The following SPAG16 variants were observed in gnomAD, a reference collection of about 807,000 sequenced individuals.
SPAG16 encodes the protein sperm-associated antigen 16 protein.
In SPAG16, 86 loss-of-function variants were observed where a neutral mutation model predicts 80.4. The ratio of observed to expected loss-of-function variants is 1.07; its 90% CI spans 0.90 to 1.28. The LOEUF is 1.28. Among genes scored for constraint, SPAG16 ranks in the 50% most tolerant of loss-of-function variants. The probability of loss-of-function intolerance (pLI) is 0.00; values close to 1 mark genes in which losing one functional copy is unlikely to be tolerated. For missense variants in SPAG16, 870 were observed against 765.3 expected, an observed-to-expected ratio of 1.14 and a Z score of -1.61; for synonymous variants, 294 against 265.9, an observed-to-expected ratio of 1.11 and a Z score of -1.03.
At chr2:213,603,898 A>G (rs371105841) in intron 10 of SPAG16, among the ~76,000 whole-genome samples, 51 of 149,960 alleles carry the variant, frequency 3.4e-4, no homozygotes, top group Middle Eastern at 6.9e-3. Flanking sequence ...TTTCCGTATT[A>G]TCCATCTCTT....
chr2:213,440,102 T>C (rs1052202716), intron 9 of SPAG16, among the ~76,000 whole-genome samples: 10 of 149,570 alleles, frequency 6.7e-5, no homozygotes, highest in African/African-American at 2.3e-4. Context: ...CTGAAATTCC[T>C]GCAGTTTTGT....
chr2:213,744,684 G>T (rs2067733894), intron 10 of SPAG16, among the ~76,000 whole-genome samples: 1 of 152,158 alleles, frequency 6.6e-6, no homozygotes, highest in Non-Finnish European at 1.5e-5. Flanking sequence ...GGGAGAAGTG[G>T]TTAATCATTA....
At chr2:213,916,516 G>C (rs2077978377) in intron 11 of SPAG16, among the ~76,000 whole-genome samples, 1 of 152,150 alleles carries the variant, frequency 6.6e-6, no homozygotes, top group South Asian at 2.1e-4. Context: ...GGTTACTGTA[G>C]CCTTGTAGTA....
At chr2:213,620,572 A>C (rs1457403260) in intron 10 of SPAG16, among the ~76,000 whole-genome samples, 1 of 152,038 alleles carries the variant, frequency 6.6e-6, no homozygotes, top group Non-Finnish European at 1.5e-5. Context: ...GATTACAGGC[A>C]TGAGCCACTG....
chr2:213,297,257 T>C lies in SPAG16; in HGVS notation c.184-5T>C, dbSNP rs538227335. On this transcript the variant is annotated splice_polypyrimidine_tract_variant and splice_region_variant and intron_variant, in intron 2 of 15. Transcript: ENST00000331683. ...TTCCTATCCTTCTCTTTCTCTGTGATCTAGATACCAGATGACAATTTTAGC... is the reference window on the plus strand; with the variant it reads ...TTCCTATCCTTCTCTTTCTCTGTGACCTAGATACCAGATGACAATTTTAGC... 2 of 1,601,864 alleles carry C rather than the reference T, an allele frequency of 1.2e-6. No homozygotes were observed. Among genetic ancestry groups the C allele is most frequent in the Non-Finnish European group, 1.7e-6 (2 of 1,172,114 alleles).
chr2:214,128,953 C>G (rs956888706), intron 14 of SPAG16, among the ~76,000 whole-genome samples: 11 of 151,842 alleles, frequency 7.2e-5, no homozygotes, highest in Middle Eastern at 6.8e-3. Context: ...TCTAATCTAC[C>G]CAGTGACCTC....
intron 10 of SPAG16, among the ~76,000 whole-genome samples, chr2:213,644,598 G>A (rs1007563316): frequency 3.3e-5 from 5 of 152,208 alleles, no homozygotes; most frequent in Admixed American, 6.5e-5. Flanking sequence ...CAGACTTGCA[G>A]AGGCACCTCC....
Position 213,448,056 on chromosome 2 carries a change from T to G in SPAG16, c.943-41907T>G, listed in dbSNP as rs374208538. Among the ~76,000 whole-genome samples, 6 of 152,366 alleles carry G rather than the reference T, an allele frequency of 3.9e-5. No individual in the cohort carries two copies. In the East Asian group the frequency reaches 9.6e-4, roughly 24 times the overall value. ...CACCAATCTGTTCAAATGGCTTATT[T>G]TGTTAATGATTGCCAGGCCAATTCC... On this transcript the variant is annotated intron_variant, in intron 9 of 15. Transcript: ENST00000331683.
Position 214,233,344 on chromosome 2 carries a change from A to ATGATGATG in SPAG16, c.1720+84078_1720+84079insTGATGATG, listed in dbSNP as rs377652832. On this transcript the variant is annotated intron_variant, in intron 15 of 15. Coordinates refer to ENST00000331683, the MANE Select transcript of SPAG16 (RefSeq NM_024532.5). ...CTAATTCTCAGTAAAAATAGATAAT[A>ATGATGATG]ATGATGATGATGATGATGATGATGA... Among the ~76,000 whole-genome samples the ATGATGATG allele has an allele frequency of 3.7e-3, 548 of 148,640 alleles. 2 individuals are homozygous for ATGATGATG. Among genetic ancestry groups the ATGATGATG allele is most frequent in the Admixed American group, 7.0e-3 (105 of 14,952 alleles).
chr2:213,639,894 C>T (rs2062521023), intron 10 of SPAG16, among the ~76,000 whole-genome samples: 1 of 152,058 alleles, frequency 6.6e-6, no homozygotes, highest in South Asian at 2.1e-4. Context: ...TAAGTTTGTT[C>T]AATAATCCCA....
At chr2:213,886,260 G>A (rs1399696160) in intron 11 of SPAG16, among the ~76,000 whole-genome samples, 1 of 152,054 alleles carries the variant, frequency 6.6e-6, no homozygotes, top group African/African-American at 2.4e-5. Flanking sequence ...ATATTTTTAG[G>A]TTTTGTGGTT....
In SPAG16 at chr2:213,833,675, G is replaced by A. The variant is rs111658504; in HGVS notation, c.1071-28810G>A. Among the ~76,000 whole-genome samples the A allele has an allele frequency of 7.4e-3, 899 of 122,046 alleles. 12 individuals are homozygous for A. The highest frequency in any genetic ancestry group is 0.029 in the African/African-American group (874 of 30,406). 80.1% of individuals were successfully genotyped at this position (122,046 alleles called of 152,430 possible). On this transcript the variant is annotated intron_variant, in intron 10 of 15. Transcript: ENST00000331683. Reference sequence around the variant, plus strand: ...CACTGAGATAGGATCTTCTACCCACGTGGCTATTTCTCAGAAATGTAAACT... The same window carrying A: ...CACTGAGATAGGATCTTCTACCCACATGGCTATTTCTCAGAAATGTAAACT...
intron 15 of SPAG16, among the ~76,000 whole-genome samples, chr2:214,162,993 C>G (rs2056507116): frequency 6.6e-6 from 1 of 152,016 alleles, no homozygotes; most frequent in Non-Finnish European, 1.5e-5. Context: ...TTCAATTTAG[C>G]TTATTAACTA....
At chr2:213,788,445 G>A (rs1307437530) in intron 10 of SPAG16, among the ~76,000 whole-genome samples, 1 of 151,530 alleles carries the variant, frequency 6.6e-6, no homozygotes, top group Non-Finnish European at 1.5e-5. Context: ...GAATTTTAGG[G>A]GTTGTTATTG....
chr2:213,438,598 G>C (rs1351601141), intron 9 of SPAG16, among the ~76,000 whole-genome samples: 3 of 152,216 alleles, frequency 2.0e-5, no homozygotes, highest in East Asian at 3.8e-4. Flanking sequence ...GTTCTAGGTA[G>C]AGTTCAAAGA....
chr2:214,276,944 TG>T (rs1281731023), intron 15 of SPAG16, among the ~76,000 whole-genome samples: 10 of 151,800 alleles, frequency 6.6e-5, no homozygotes, highest in African/African-American at 1.9e-4. Context: ...AACATAGATT[TG>T]TTTTTTTTCA....
At chr2:214,106,331 G>A (rs2053382010) in intron 13 of SPAG16, among the ~76,000 whole-genome samples, 1 of 152,020 alleles carries the variant, frequency 6.6e-6, no homozygotes, top group Non-Finnish European at 1.5e-5. Context: ...TTGAGAATTG[G>A]GATGATTTGA....
rs574679569 is a variant in SPAG16, at chr2:213,993,689, T to C, written c.1401-20262T>C. ...AAATTCAGGTTTTGTTTAACAAACA[T>C]ATTGAATCCAAAGATAAAGTATAGT... On this transcript the variant is annotated intron_variant, in intron 12 of 15. Transcript: ENST00000331683. Among the ~76,000 whole-genome samples, 15 of 152,312 alleles carry C rather than the reference T, an allele frequency of 9.8e-5. No homozygotes were observed. In the South Asian group the frequency reaches 3.1e-3, roughly 32 times the overall value.
chr2:213,740,960 A>C (rs1484558700), intron 10 of SPAG16, among the ~76,000 whole-genome samples: 1 of 152,224 alleles, frequency 6.6e-6, no homozygotes, highest in Non-Finnish European at 1.5e-5. Flanking sequence ...ATGTTTCCTT[A>C]AAATATATCA....
Sources: allele counts gnomAD v4.1 joint callset (sites outside exome capture counted in the v4.1 genomes callset), GRCh38; gene constraint gnomAD v4.1.1; transcripts MANE v1.5; gene names NCBI Gene and HGNC (gene_info 2026-07-23, HGNC 2026-07-21).